Variants in LOC400499 observed in about 807,000 individuals in gnomAD.
chr16:11,484,624 T>C, the LOC400499 span, among the ~76,000 whole-genome samples: 1 of 152,060 alleles, frequency 6.6e-6, no homozygotes, highest in Non-Finnish European at 1.5e-5. Context: ...CATGGGTGTA[T>C]TGAGGTGGTG....
At chr16:11,384,038 C>T in the LOC400499 span, 1 of 1,231,702 alleles carries the variant, frequency 8.1e-7, no homozygotes. Context: ...ACTCAGGCCT[C>T]CTGCTGGACC....
the LOC400499 span, among the ~76,000 whole-genome samples, chr16:11,394,576 C>A: frequency 6.6e-6 from 1 of 152,224 alleles, no homozygotes; most frequent in Non-Finnish European, 1.5e-5. Context: ...AAGCCCTAAC[C>A]TTCTATACCT....
At chr16:11,385,511 G>C in the LOC400499 span, 1 of 891,276 alleles carries the variant, frequency 1.1e-6, no homozygotes, top group Non-Finnish European at 1.5e-6. Flanking sequence ...GATGCCTAGA[G>C]CTTTGGCTTA....
At chr16:11,413,021 G>C in the LOC400499 span, 5 of 398,564 alleles carry the variant, frequency 1.3e-5, no homozygotes, top group Admixed American at 8.8e-5. Flanking sequence ...GGCTGGGTGG[G>C]GACCCCAGCC....
the LOC400499 span, among the ~76,000 whole-genome samples, chr16:11,417,023 T>A: frequency 6.6e-6 from 1 of 152,168 alleles, no homozygotes; most frequent in African/African-American, 2.4e-5. Flanking sequence ...ATGCAGTAAG[T>A]GCTCAGCCAG....
At chr16:11,404,585 G>A in the LOC400499 span, 3 of 395,636 alleles carry the variant, frequency 7.6e-6, no homozygotes, top group Non-Finnish European at 1.3e-5. Flanking sequence ...GACCTCGAGT[G>A]ATCTACCCAC....
At chr16:11,380,916 T>C in the LOC400499 span, 1 of 157,264 alleles carries the variant, frequency 6.4e-6, no homozygotes, top group Non-Finnish European at 1.4e-5. Flanking sequence ...TTCATAGTTG[T>C]CTCATCGAGT....
the LOC400499 span, among the ~76,000 whole-genome samples, chr16:11,444,197 G>C: frequency 2.6e-5 from 4 of 152,150 alleles, no homozygotes; most frequent in Non-Finnish European, 5.9e-5. Context: ...AAGAGATCAA[G>C]ACCAGCCTGG....
chr16:11,391,023 T>C, the LOC400499 span, among the ~76,000 whole-genome samples: 1 of 152,190 alleles, frequency 6.6e-6, no homozygotes, highest in Admixed American at 6.5e-5. Flanking sequence ...ATCCCCTCAC[T>C]ATAATAAATC....
At chr16:11,462,690 T>G in the LOC400499 span, among the ~76,000 whole-genome samples, 1 of 152,158 alleles carries the variant, frequency 6.6e-6, no homozygotes, top group African/African-American at 2.4e-5. Flanking sequence ...TCCAAAGTGT[T>G]AGGATTACAG....
chr16:11,451,966 C>A, the LOC400499 span, among the ~76,000 whole-genome samples: 1 of 152,150 alleles, frequency 6.6e-6, no homozygotes, highest in Non-Finnish European at 1.5e-5. Flanking sequence ...CGCACGGATC[C>A]CTGGAGAGCC....
At chr16:11,390,258 G>T in the LOC400499 span, 1 of 1,232,680 alleles carries the variant, frequency 8.1e-7, no homozygotes, top group Non-Finnish European at 1.0e-6. Context: ...TGCCAACTAC[G>T]CCCCATCCTT....
chr16:11,373,503 T>C, the LOC400499 span, among the ~76,000 whole-genome samples: 2 of 152,020 alleles, frequency 1.3e-5, no homozygotes, highest in Middle Eastern at 3.2e-3. Flanking sequence ...CCGGCTAATT[T>C]TTATATTTTT....
At chr16:11,381,594 T>C in the LOC400499 span, among the ~76,000 whole-genome samples, 1 of 152,334 alleles carries the variant, frequency 6.6e-6, no homozygotes, top group African/African-American at 2.4e-5. Flanking sequence ...AAAGCAGCCA[T>C]AGACTACGTA....
the LOC400499 span, among the ~76,000 whole-genome samples, chr16:11,444,539 G>T: frequency 2.0e-5 from 3 of 152,190 alleles, no homozygotes; most frequent in Non-Finnish European, 4.4e-5. Context: ...GAATTGTAAC[G>T]GTAGTTATGA....
At chr16:11,388,655 G>T in the LOC400499 span, among the ~76,000 whole-genome samples, 1 of 152,170 alleles carries the variant, frequency 6.6e-6, no homozygotes, top group African/African-American at 2.4e-5. Flanking sequence ...GTCTTTTAAA[G>T]TGAAAGGGCG....
At chr16:11,401,027 G>A in the LOC400499 span, among the ~76,000 whole-genome samples, 1 of 152,214 alleles carries the variant, frequency 6.6e-6, no homozygotes, top group African/African-American at 2.4e-5. Flanking sequence ...ATTAAAATGT[G>A]AGCTATCTTC....
At chr16:11,460,339 C>T in the LOC400499 span, 1 of 1,129,060 alleles carries the variant, frequency 8.9e-7, no homozygotes, top group South Asian at 2.0e-5. Flanking sequence ...ACTGAAGTTC[C>T]AGCCCCGGAT....
the LOC400499 span, among the ~76,000 whole-genome samples, chr16:11,437,977 C>T: frequency 2.7e-3 from 407 of 152,272 alleles, no homozygotes; most frequent in Non-Finnish European, 3.9e-3. Flanking sequence ...CGATCGCATG[C>T]GCTCTGAAAC....
Sources: allele counts gnomAD v4.1 joint callset (sites outside exome capture counted in the v4.1 genomes callset), GRCh38; gene constraint gnomAD v4.1.1; transcripts MANE v1.5.